LIPA: variants seen among roughly 807,000 people sequenced by gnomAD.
LIPA encodes the protein lipase A, lysosomal acid type.
In LIPA, 26 loss-of-function variants were observed where a neutral mutation model predicts 40.6. That is an observed-to-expected ratio of 0.64 (90% CI 0.47 to 0.89). The LOEUF (loss-of-function observed/expected upper bound fraction) is 0.89. Among genes scored for constraint, LIPA ranks in the 40% least tolerant of loss-of-function variants. The pLI is 0.00. For missense variants in LIPA, 455 were observed against 479.6 expected (o/e 0.95, Z 0.48); for synonymous variants, 188 against 168.4 (o/e 1.12, Z -0.90).
intron 2 of LIPA, chr10:89,392,737 T>C (rs1199727949): frequency 5.6e-6 from 9 of 1,613,394 alleles, no homozygotes; most frequent in Non-Finnish European, 7.6e-6. Flanking sequence ...TCTTTGCTCC[T>C]CTGCCATAAT....
chr10:89,339,756 T>G, intron 1 of LIPA: 1 of 1,614,060 alleles, frequency 6.2e-7, no homozygotes, highest in Non-Finnish European at 8.5e-7. Context: ...ACTGCAACCT[T>G]CAGAAATATA....
intron 1 of LIPA, among the ~76,000 whole-genome samples, chr10:89,248,159 C>G (rs1843057131): frequency 6.7e-6 from 1 of 149,806 alleles, no homozygotes; most frequent in African/African-American, 2.5e-5. Flanking sequence ...GCCACCGCGC[C>G]TGCCCAGGAA....
At chr10:89,287,955 A>C (rs149569804) in intron 1 of LIPA, among the ~76,000 whole-genome samples, 3,289 of 152,172 alleles carry the variant, frequency 0.022, 119 homozygotes, top group African/African-American at 0.074. Flanking sequence ...TCTGGATCTC[A>C]AACATGCTTT....
chr10:89,322,385 A>G (rs1843576727), intron 1 of LIPA, among the ~76,000 whole-genome samples: 1 of 152,098 alleles, frequency 6.6e-6, no homozygotes. Flanking sequence ...ATGTAAGGGG[A>G]TTACAGAGAG....
intron 1 of LIPA, among the ~76,000 whole-genome samples, chr10:89,291,017 T>A (rs1387101335): frequency 1.3e-5 from 2 of 152,336 alleles, no homozygotes; most frequent in East Asian, 3.9e-4. Flanking sequence ...ATTATTACAA[T>A]TTTTCAATGA....
rs111332096 is a variant in LIPA, at chr10:89,391,770, C to T, written c.61+21021G>A. ...GTCTCCATCTCCTGACCTTGTCATC[C>T]GCCCACCTTGGCCTCCCAAAGTGCT... On this transcript the variant is annotated intron_variant, in intron 2 of 8. Coordinates refer to the LIPA transcript ENST00000371837. Among the ~76,000 whole-genome samples the T allele has an allele frequency of 5.7e-3, 870 of 152,230 alleles. 3 individuals are homozygous for T. Among genetic ancestry groups the T allele is most frequent in the Non-Finnish European group, 9.0e-3 (612 of 68,030 alleles).
At chr10:89,262,731 G>A (rs1843217154) in intron 1 of LIPA, among the ~76,000 whole-genome samples, 1 of 152,202 alleles carries the variant, frequency 6.6e-6, no homozygotes, top group Admixed American at 6.5e-5. Context: ...TGACTCACAT[G>A]AGGAATGTTT....
At chr10:89,345,911 G>A (rs189604474), upstream of LIPA, among the ~76,000 whole-genome samples, 128 of 152,170 alleles carry the variant, frequency 8.4e-4, no homozygotes, top group Middle Eastern at 3.4e-3. Flanking sequence ...CGAAATTTTC[G>A]GAATTAATGA....
chr10:89,315,387 TC>T (rs1305107259), intron 1 of LIPA, among the ~76,000 whole-genome samples: 1 of 152,182 alleles, frequency 6.6e-6, no homozygotes, highest in African/African-American at 2.4e-5. Flanking sequence ...ACTCGAAGTA[TC>T]TCATGAGACT....
intron 2 of LIPA, among the ~76,000 whole-genome samples, chr10:89,410,736 A>G (rs1841462043): frequency 6.6e-6 from 1 of 152,256 alleles, no homozygotes; most frequent in South Asian, 2.1e-4. Flanking sequence ...GGGAACCCCC[A>G]TTAAATAACA....
chr10:89,255,417 T>C (rs1252958508), upstream of LIPA, among the ~76,000 whole-genome samples: 1 of 152,184 alleles, frequency 6.6e-6, no homozygotes, highest in Non-Finnish European at 1.5e-5. Flanking sequence ...CTGCCCCCCA[T>C]GATTTAATTA....
chr10:89,327,796 A>G (rs991761956), intron 1 of LIPA: 3 of 443,378 alleles, frequency 6.8e-6, no homozygotes, highest in Non-Finnish European at 8.1e-6. Context: ...CACAGTTTTG[A>G]ATAACGTACT....
At chr10:89,270,395 A>T (rs1407095057) in intron 1 of LIPA, among the ~76,000 whole-genome samples, 1 of 152,236 alleles carries the variant, frequency 6.6e-6, no homozygotes, top group Non-Finnish European at 1.5e-5. Context: ...AGTAAGCAGG[A>T]AATAGCAAGC....
chr10:89,403,656 G>C, intron 2 of LIPA: 2 of 1,611,256 alleles, frequency 1.2e-6, no homozygotes, highest in Non-Finnish European at 1.7e-6. Context: ...GGAGTACTAT[G>C]AGCGGGCCCT....
intron 1 of LIPA, among the ~76,000 whole-genome samples, chr10:89,263,008 G>C (rs565272247): frequency 6.6e-6 from 1 of 152,308 alleles, no homozygotes; most frequent in East Asian, 1.9e-4. Flanking sequence ...GAATAAAAGG[G>C]AGAGGCAACT....
In LIPA at chr10:89,224,961, G is replaced by C. The variant is rs562761203; in HGVS notation, c.675+131C>G. On this transcript the variant is annotated intron_variant, in intron 6 of 9. Coordinates refer to ENST00000336233, the MANE Select transcript of LIPA (RefSeq NM_000235.4). ...CTGGAAGGAGGGGTAAACGGAAAAA[G>C]AAAAGCCCACTGCTCCACTGATATC... is the stretch of plus-strand genomic sequence containing the variant. The C allele has an allele frequency of 3.3e-6, 4 of 1,223,756 alleles. No homozygotes were observed. The East Asian group carries it at 9.3e-5, about 29-fold the overall frequency. 75.8% of individuals were successfully genotyped at this position (1,223,756 alleles called of 1,614,324 possible).
chr10:89,300,684 G>A (rs1324667649), intron 1 of LIPA, among the ~76,000 whole-genome samples: 2 of 152,166 alleles, frequency 1.3e-5, no homozygotes, highest in South Asian at 2.1e-4. Flanking sequence ...TCTGGAAAAA[G>A]CCAACATTGA....
intron 1 of LIPA, among the ~76,000 whole-genome samples, chr10:89,261,986 A>T (rs1014995870): frequency 2.6e-5 from 4 of 152,194 alleles, no homozygotes; most frequent in African/African-American, 9.7e-5. Flanking sequence ...GATGAAGTCC[A>T]GCCATGGGAA....
intron 1 of LIPA, chr10:89,308,383 C>T (rs773378834): frequency 3.3e-5 from 5 of 151,546 alleles, no homozygotes; most frequent in South Asian, 2.1e-4. Context: ...TGGTTTGAGA[C>T]GGTAGGAAAG....
Sources: allele counts gnomAD v4.1 joint callset (sites outside exome capture counted in the v4.1 genomes callset), GRCh38; gene constraint gnomAD v4.1.1; transcripts MANE v1.5; gene names NCBI Gene and HGNC (gene_info 2026-07-23, HGNC 2026-07-21).